Variants in JAM3 observed in about 807,000 individuals in gnomAD.
The protein encoded by JAM3 is junctional adhesion molecule C.
Under a neutral mutation model 39.4 loss-of-function variants are expected in JAM3, and 31 were observed. The ratio of observed to expected loss-of-function variants is 0.79; its 90% CI spans 0.59 to 1.06. The LOEUF is 1.06. Among genes scored for constraint, JAM3 ranks in the 50% least tolerant of loss-of-function variants. The probability of loss-of-function intolerance (pLI) is 0.00; values close to 1 mark genes in which losing one functional copy is unlikely to be tolerated. For synonymous variants in JAM3, 182 were observed against 148.7 expected (o/e 1.22, Z -1.63); for missense variants, 455 against 391.4 (o/e 1.16, Z -1.37).
chr11:134,123,725 T>C, intron 1 of JAM3: 1 of 572,780 alleles, frequency 1.7e-6, no homozygotes, highest in South Asian at 1.8e-5. Context: ...AATCCATCAC[T>C]ACTTTGATGA....
At chr11:134,139,038 C>T (rs1349149078) in intron 1 of JAM3, among the ~76,000 whole-genome samples, 1 of 152,138 alleles carries the variant, frequency 6.6e-6, no homozygotes, top group East Asian at 1.9e-4. Context: ...TTGGGGATGG[C>T]ATGTTTTATT....
At chr11:134,081,927 G>A (rs1941673024) in intron 1 of JAM3, among the ~76,000 whole-genome samples, 1 of 152,262 alleles carries the variant, frequency 6.6e-6, no homozygotes, top group Non-Finnish European at 1.5e-5. Flanking sequence ...AAGACCATGG[G>A]AACCCACCTC....
rs148396045 is a variant in JAM3, at chr11:134,127,420, C to T, written c.77-12431C>T. 4.3e-3 allele frequency among the ~76,000 whole-genome samples: 658 copies of T among 152,222 alleles called. 3 individuals carry two copies. The highest frequency in any genetic ancestry group is 0.014 in the African/African-American group (586 of 41,548). ...ATTTTAAAACTTGATGCCTTTTGGCCGGGCGTGGTGGCTCACACCTGTAAT... is the reference window on the plus strand; with the variant it reads ...ATTTTAAAACTTGATGCCTTTTGGCTGGGCGTGGTGGCTCACACCTGTAAT... On this transcript the variant is annotated intron_variant, in intron 1 of 8. Coordinates refer to ENST00000299106, the MANE Select transcript of JAM3 (RefSeq NM_032801.5).
intron 1 of JAM3, among the ~76,000 whole-genome samples, chr11:134,136,001 C>A (rs541797909): frequency 2.6e-5 from 4 of 151,946 alleles, no homozygotes; most frequent in South Asian, 2.1e-4. Flanking sequence ...ACCTGGGAGG[C>A]GGAGGTTACA....
In JAM3 at chr11:134,144,963, C is replaced by T. The variant is rs1167240877; in HGVS notation, c.581C>T (p.Ser194Phe). The T allele has an allele frequency of 6.2e-7, 1 of 1,614,176 alleles. No homozygotes were observed. The highest frequency in any genetic ancestry group is 8.5e-7 in the Non-Finnish European group (1 of 1,180,006). ...GCCAATCCCAGATTTCGCAATTCTT[C>T]TTTCCACTTAAACTCTGAAACAGGC... ...SRANPRFRNS[S>F]FHLNSETGTL... Residue 194 changes from serine to phenylalanine, a missense_variant, in exon 5 of 9, where the codon TCT becomes TTT. By Grantham distance (155) the Ser-to-Phe change is radical (BLOSUM62 -2). Transcript: ENST00000299106.
chr11:134,136,865 G>A (rs1942873381), intron 1 of JAM3, among the ~76,000 whole-genome samples: 1 of 152,228 alleles, frequency 6.6e-6, no homozygotes, highest in African/African-American at 2.4e-5. Flanking sequence ...TGTAATCCCA[G>A]CACTTTGGGA....
At chr11:134,078,163 A>G (rs754177383) in intron 1 of JAM3, among the ~76,000 whole-genome samples, 2 of 152,016 alleles carry the variant, frequency 1.3e-5, no homozygotes, top group Non-Finnish European at 2.9e-5. Context: ...TCTGTTGCCC[A>G]GGCTGGAGGG....
Position 134,151,658 on chromosome 11 carries a change from T to C in JAM3, c.*2477T>C, listed in dbSNP as rs2120433663. ...ACGAGGCTGTGATTCTGCCTTTGGA[T>C]GGATGTTGCTGTACACAGATGCTAC... On this transcript the variant is annotated 3_prime_UTR_variant, in exon 9 of 9. Coordinates refer to ENST00000299106, the MANE Select transcript of JAM3 (RefSeq NM_032801.5). 1 of 152,346 alleles carries C rather than the reference T, an allele frequency of 6.6e-6. No homozygotes were observed. The highest frequency in any genetic ancestry group is 6.5e-5 in the Admixed American group (1 of 15,308). 9.4% of individuals were successfully genotyped at this position (152,346 alleles called of 1,614,324 possible). A position where few individuals can be genotyped will look rare whatever the true frequency, so the allele number is the denominator to read the frequency against.
chr11:134,106,672 A>C (rs146270304), intron 1 of JAM3, among the ~76,000 whole-genome samples: 2,353 of 152,336 alleles, frequency 0.015, 39 homozygotes, highest in South Asian at 0.027. Context: ...ATGGGCAAAG[A>C]ATATGAACAG....
rs1012032146 is a variant in JAM3 at position 134,149,820 on chromosome 11, G to C, written c.*639G>C. The stretch of plus-strand genomic sequence containing the variant: ...GGATCTTGCCTGAGGAACCCTGCTT[G>C]TCCAACAGGGTGTCAGGATTTAAGG... On this transcript the variant is annotated 3_prime_UTR_variant, in exon 9 of 9. Coordinates refer to ENST00000299106, the MANE Select transcript of JAM3 (RefSeq NM_032801.5). 8.3e-6 allele frequency: 3 copies of C among 361,148 alleles called. No homozygotes were observed. The highest frequency in any genetic ancestry group is 2.1e-5 in the African/African-American group (1 of 46,932). The allele number at this position is 361,148 out of a possible 1,614,324, so 22.4% of individuals were successfully genotyped here. A position where few individuals can be genotyped will look rare whatever the true frequency, so the allele number is the denominator to read the frequency against.
intron 1 of JAM3, among the ~76,000 whole-genome samples, 199 bp downstream of exon 1, chr11:134,069,358 C>T (rs1235694957): frequency 1.3e-5 from 2 of 152,068 alleles, no homozygotes; most frequent in Non-Finnish European, 2.9e-5. Flanking sequence ...AGGGCGGGGG[C>T]CCTGGGACGC....
At position 134,139,712 on chromosome 11, in the gene JAM3, G is replaced by A; in HGVS notation, c.77-139G>A. 5.5e-6 allele frequency: 4 copies of A among 722,012 alleles called. No individual in the cohort carries two copies. In the South Asian group the frequency reaches 5.9e-5, roughly 11 times the overall value. 44.7% of individuals were successfully genotyped at this position (722,012 alleles called of 1,614,324 possible). On this transcript the variant is annotated intron_variant, in intron 1 of 8. Transcript: ENST00000299106. ...AGCAGTTAACTTGGCTTACCTAAGA[G>A]ACTTTATTGTGGAATATTTTTCCAT...
At chr11:134,101,978 C>G (rs1942083366) in intron 1 of JAM3, among the ~76,000 whole-genome samples, 1 of 152,114 alleles carries the variant, frequency 6.6e-6, no homozygotes, top group South Asian at 2.1e-4. Context: ...TGCTTGAGCA[C>G]AGGAGTTTGA....
intron 1 of JAM3, among the ~76,000 whole-genome samples, chr11:134,072,676 C>T (rs1941500858): frequency 6.6e-6 from 1 of 151,734 alleles, no homozygotes; most frequent in African/African-American, 2.4e-5. Context: ...CTTTGGGAAG[C>T]CGAGGTGGGC....
rs554275617 is a variant in JAM3, at chr11:134,097,849, C to G, written c.76+28690C>G. 2.6e-5 allele frequency among the ~76,000 whole-genome samples: 4 copies of G among 151,154 alleles called. No individual in the cohort carries two copies. In the South Asian group the frequency reaches 8.3e-4, roughly 31 times the overall value. ...AAATTTAAAGTCTATTCTTAATTTT[C>G]TTTTATATATATGTATATATATATT... On this transcript the variant is annotated intron_variant, in intron 1 of 8. Transcript: ENST00000299106.
intron 1 of JAM3, among the ~76,000 whole-genome samples, chr11:134,130,585 ATCAG>A (rs1001444404): frequency 6.6e-5 from 10 of 152,198 alleles, no homozygotes; most frequent in East Asian, 3.9e-4. Context: ...AAGCTCTGAA[ATCAG>A]TCAAACGAAG....
chr11:134,092,417 C>A (rs1406640261), intron 1 of JAM3, among the ~76,000 whole-genome samples: 4 of 65,828 alleles, frequency 6.1e-5, no homozygotes, highest in Non-Finnish European at 1.1e-4. Context: ...CATCATGTTC[C>A]ACCTTAAACG....
intron 1 of JAM3, among the ~76,000 whole-genome samples, chr11:134,130,896 T>G (rs1233089710): frequency 1.3e-5 from 2 of 152,148 alleles, no homozygotes; most frequent in Non-Finnish European, 2.9e-5. Context: ...GTAAAACCAG[T>G]GGGCACTGCT....
chr11:134,126,268 A>G (rs1281544966), intron 1 of JAM3: 5 of 152,164 alleles, frequency 3.3e-5, no homozygotes, highest in East Asian at 1.9e-4. Context: ...TCTACCCTGC[A>G]TTTGCTTTGC....
Sources: gnomAD v4.1 joint callset for allele counts (sites outside exome capture counted in the v4.1 genomes callset) on GRCh38, gnomAD v4.1.1 for gene constraint, MANE v1.5 for transcripts, NCBI Gene and HGNC (gene_info 2026-07-23, HGNC 2026-07-21) for gene names.